DST: variants seen among roughly 807,000 people sequenced by gnomAD.
DST encodes the protein bullous pemphigoid antigen.
A neutral mutation model predicts 875.2 loss-of-function variants in DST; 253 were observed. The ratio of observed to expected loss-of-function variants is 0.29; its 90% CI spans 0.26 to 0.32. The LOEUF (loss-of-function observed/expected upper bound fraction) is 0.32. Among genes scored for constraint, DST ranks in the 10% least tolerant of loss-of-function variants. DST has a pLI of 1.00. For synonymous variants in DST, 3,124 were observed against 3,197.1 expected, an observed-to-expected ratio of 0.98 and a Z score of 0.77; for missense variants, 8,287 against 9,111.6, an observed-to-expected ratio of 0.91 and a Z score of 3.68.
intron 61 of DST, among the ~76,000 whole-genome samples, chr6:56,549,883 C>G (rs987095656): frequency 1.3e-5 from 2 of 152,140 alleles, no homozygotes; most frequent in African/African-American, 2.4e-5. Context: ...TTACACGAAG[C>G]AGTGCATCAT....
chr6:56,886,875 A>G (rs1016079518), intron 3 of DST, among the ~76,000 whole-genome samples: 2 of 152,088 alleles, frequency 1.3e-5, no homozygotes, highest in African/African-American at 2.4e-5. Flanking sequence ...TTCAATTTCC[A>G]TAGATTGATT....
intron 5 of DST, among the ~76,000 whole-genome samples, chr6:56,708,566 G>C (rs1335834395): frequency 1.3e-5 from 2 of 152,002 alleles, no homozygotes; most frequent in African/African-American, 4.8e-5. Context: ...TTTCCGAAAA[G>C]CAAATGTCAC....
At chr6:56,768,506 A>AT (rs1430873430) in intron 4 of DST, among the ~76,000 whole-genome samples, 2 of 152,238 alleles carry the variant, frequency 1.3e-5, no homozygotes, top group Non-Finnish European at 2.9e-5. Flanking sequence ...AAATATACAA[A>AT]TTTAGGCACA....
intron 30 of DST, 88 bp downstream of exon 30, chr6:56,631,123 T>C (rs1039821691): frequency 9.4e-6 from 5 of 532,540 alleles, no homozygotes; most frequent in Middle Eastern, 6.2e-4. Context: ...TTAATATTTA[T>C]ATTAATAAAA....
At chr6:56,679,580 T>A (rs1343571937) in intron 9 of DST, among the ~76,000 whole-genome samples, 4 of 133,584 alleles carry the variant, frequency 3.0e-5, no homozygotes, top group African/African-American at 1.2e-4. Context: ...CTGGGCAACA[T>A]AGGAAGACTA....
intron 4 of DST, among the ~76,000 whole-genome samples, chr6:56,794,389 G>T (rs1046006386): frequency 5.9e-5 from 9 of 152,092 alleles, no homozygotes; most frequent in Non-Finnish European, 1.5e-5. Flanking sequence ...TGTGTTTAGG[G>T]TACATACTTA....
At chr6:56,633,563 C>G (rs1252032046) in intron 27 of DST, among the ~76,000 whole-genome samples, 2 of 149,364 alleles carry the variant, frequency 1.3e-5, no homozygotes, top group African/African-American at 5.0e-5. Flanking sequence ...GGCTGGAGCG[C>G]GATCTCAGCT....
chr6:56,810,485 T>C (rs764701916), intron 4 of DST, among the ~76,000 whole-genome samples: 10 of 152,184 alleles, frequency 6.6e-5, no homozygotes, highest in Non-Finnish European at 1.2e-4. Flanking sequence ...ATAAATTCTA[T>C]GTTAAAAATC....
At chr6:56,475,393 A>G (rs1309373386) in intron 92 of DST, among the ~76,000 whole-genome samples, 4 of 143,912 alleles carry the variant, frequency 2.8e-5, no homozygotes, top group African/African-American at 1.1e-4. Context: ...TAGGCTTTTA[A>G]AACACACACA....
intron 2 of DST, among the ~76,000 whole-genome samples, chr6:56,919,871 G>A (rs576051687): frequency 5.9e-4 from 90 of 152,122 alleles, no homozygotes; most frequent in Middle Eastern, 3.4e-3. Context: ...TGCTTAACCC[G>A]GAGACAGAGG....
chr6:56,841,619 T>C (rs1323059691), intron 4 of DST, among the ~76,000 whole-genome samples: 1 of 152,252 alleles, frequency 6.6e-6, no homozygotes, highest in African/African-American at 2.4e-5. Flanking sequence ...CAAAAATTCA[T>C]TCAGCTATAA....
chr6:56,617,402 T>A, intron 36 of DST: 1 of 1,613,096 alleles, frequency 6.2e-7, no homozygotes, highest in Non-Finnish European at 8.5e-7. Flanking sequence ...CATATCATAC[T>A]GCTTGTTCTT....
In DST at chr6:56,595,255, T is replaced by C. The variant is rs568731098; in HGVS notation, c.12196-1062A>G. ...CCTGGTAAACACTTTAGGAGCTTTT[T>C]CTCCTGTTGTTGTCTAGTTACAGCT... On this transcript the variant is annotated intron_variant, in intron 47 of 103. Coordinates refer to ENST00000680361, the MANE Select transcript of DST (RefSeq NM_001374736.1). Among the ~76,000 whole-genome samples, 16 of 152,166 alleles carry C rather than the reference T, an allele frequency of 1.1e-4. No individual in the cohort carries two copies. In the South Asian group the frequency reaches 2.7e-3, roughly 26 times the overall value.
rs1396673388 is a variant in DST, at chr6:56,606,740, C to A, written c.7888G>T (p.Gly2630Cys). The A allele has an allele frequency of 1.2e-6, 2 of 1,613,416 alleles. No homozygotes were observed. Among genetic ancestry groups the A allele is most frequent in the South Asian group, 1.1e-5 (1 of 91,056 alleles). ...DDDHDSLLLD[G>C]DDRDCLHPED... Reference sequence around the variant, plus strand: ...GGGTGCAGGCAATCACGATCATCACCATCAAGAAGCAAAGAATCATGGTCA... The same window carrying A: ...GGGTGCAGGCAATCACGATCATCACAATCAAGAAGCAAAGAATCATGGTCA... Residue 2630 changes from glycine (G) to cysteine (C), a missense_variant, in exon 40 of 104, where the codon GGT becomes TGT. By Grantham distance (159) the Gly-to-Cys change is radical. This residue lies in a region of DST where 3,138 missense variants were observed against 3,116.6 expected (regional missense o/e 1.01). Transcript: ENST00000680361.
chr6:56,631,133 A>T, intron 30 of DST, 78 bp downstream of exon 30: 1 of 611,704 alleles, frequency 1.6e-6, no homozygotes, highest in Non-Finnish European at 2.4e-6. Flanking sequence ...TATTAATAAA[A>T]ATAAAATTTT....
chr6:56,891,579 A>G (rs1296634504), intron 3 of DST, among the ~76,000 whole-genome samples: 4 of 146,300 alleles, frequency 2.7e-5, no homozygotes, highest in Non-Finnish European at 6.0e-5. Context: ...AAAAAAAAAA[A>G]AAAAAAAAAT....
intron 57 of DST, 59 bp downstream of exon 57, chr6:56,561,249 G>A (rs1358766267): frequency 3.6e-5 from 55 of 1,517,234 alleles, no homozygotes; most frequent in South Asian, 2.9e-4. Flanking sequence ...CCAGAGCTCC[G>A]TTCCAACTGC....
At chr6:56,635,097 A>C in intron 24 of DST, 144 bp from the exon 25 acceptor site, 1 of 674,190 alleles carries the variant, frequency 1.5e-6, no homozygotes, top group Admixed American at 2.8e-5. Flanking sequence ...CCTCCACCCC[A>C]TCTTGTATCC....
chr6:56,478,769 C>A (rs767074303), intron 90 of DST, among the ~76,000 whole-genome samples: 6 of 152,150 alleles, frequency 3.9e-5, no homozygotes, highest in Non-Finnish European at 7.4e-5. Flanking sequence ...CCATGCTACT[C>A]ACACTATGTG....
Sources: allele counts gnomAD v4.1 joint callset (sites outside exome capture counted in the v4.1 genomes callset), GRCh38; gene constraint gnomAD v4.1.1; regional missense constraint gnomAD v4.1.1; transcripts MANE v1.5; gene names NCBI Gene and HGNC (gene_info 2026-07-23, HGNC 2026-07-21).